Variants in OPRM1 observed in about 807,000 individuals in gnomAD.
OPRM1 encodes opioid receptor mu 1.
OPRM1 carries 27 observed loss-of-function variants against 31.8 expected under a neutral mutation model. The observed-to-expected ratio is 0.85, with a 90% CI of 0.63 to 1.17. The LOEUF is 1.17. Among genes scored for constraint, OPRM1 ranks in the 50% most tolerant of loss-of-function variants. OPRM1 has a pLI of 0.00. For synonymous variants in OPRM1, 196 were observed against 189.9 expected, an observed-to-expected ratio of 1.03 and a Z score of -0.26; for missense variants, 536 against 511.1, an observed-to-expected ratio of 1.05 and a Z score of -0.47.
At chr6:154,237,465 C>A (rs1331300379) in intron 3 of OPRM1, among the ~76,000 whole-genome samples, 1 of 152,206 alleles carries the variant, frequency 6.6e-6, no homozygotes, top group East Asian at 1.9e-4. Context: ...AAATTCCTAG[C>A]ACAATTCTCC....
rs1362235272 is a variant in OPRM1 at position 154,168,562 on chromosome 6, G to A, written c.1164+77090G>A. 6.6e-6 allele frequency among the ~76,000 whole-genome samples: 1 copy of A among 152,008 alleles called. No individual in the cohort carries two copies. Among genetic ancestry groups the A allele is most frequent in the Non-Finnish European group, 1.5e-5 (1 of 68,002 alleles). ...AAGGTCACATTCTGAGGTATTAGGGGTTAGGACGTCAACATACGAATTTTA... is the reference window on the plus strand; with the variant it reads ...AAGGTCACATTCTGAGGTATTAGGGATTAGGACGTCAACATACGAATTTTA... On this transcript the variant is annotated intron_variant, in intron 3 of 3. Transcript: ENST00000337049. The surrounding 1 kb of genome is among the most constrained non-coding windows in gnomAD (Gnocchi z 4.1).
chr6:154,041,415 TAA>T (rs1411888920), intron 1 of OPRM1, among the ~76,000 whole-genome samples: 2 of 152,192 alleles, frequency 1.3e-5, no homozygotes, highest in Non-Finnish European at 2.9e-5. Flanking sequence ...GTTATGACAA[TAA>T]AAGTTATAAT....
At chr6:154,018,570 A>C (rs1350732962) in intron 1 of OPRM1, among the ~76,000 whole-genome samples, 3 of 149,652 alleles carry the variant, frequency 2.0e-5, no homozygotes, top group Non-Finnish European at 3.0e-5. Flanking sequence ...AACCAATTAT[A>C]GTCCTAGTAA....
intron 1 of OPRM1, among the ~76,000 whole-genome samples, chr6:154,023,858 T>C (rs1778528915): frequency 6.6e-6 from 1 of 152,068 alleles, no homozygotes; most frequent in East Asian, 1.9e-4. Flanking sequence ...CATTGATTGA[T>C]TTGTGTATGC....
intron 3 of OPRM1, among the ~76,000 whole-genome samples, chr6:154,153,677 T>A (rs1387764756): frequency 1.4e-5 from 2 of 139,876 alleles, no homozygotes; most frequent in East Asian, 4.2e-4. Context: ...AGAGTGAAAC[T>A]CTATCTCAAA....
intron 3 of OPRM1, chr6:154,093,367 TC>T: frequency 6.2e-7 from 1 of 1,614,168 alleles, no homozygotes; most frequent in Non-Finnish European, 8.5e-7. Flanking sequence ...AGATATGACC[TC>T]CCAGCTATCC....
chr6:154,034,845 G>T (rs1779210555), upstream of OPRM1, among the ~76,000 whole-genome samples: 1 of 152,072 alleles, frequency 6.6e-6, no homozygotes, highest in African/African-American at 2.4e-5. Context: ...AGACATTTAG[G>T]CTTATGTATC....
intron 1 of OPRM1, among the ~76,000 whole-genome samples, chr6:154,080,132 G>A (rs567287473): frequency 4.6e-5 from 7 of 151,992 alleles, no homozygotes; most frequent in Admixed American, 1.3e-4. Flanking sequence ...GTTTAAGATT[G>A]TCACATTTGG....
At chr6:154,200,733 A>G (rs1225487048) in intron 3 of OPRM1, among the ~76,000 whole-genome samples, 1 of 152,192 alleles carries the variant, frequency 6.6e-6, no homozygotes, top group Non-Finnish European at 1.5e-5. Flanking sequence ...GAAAAGAAAA[A>G]GAGAGCAAAA....
At chr6:154,031,338 A>G (rs1778993658) in intron 1 of OPRM1, among the ~76,000 whole-genome samples, 1 of 152,024 alleles carries the variant, frequency 6.6e-6, no homozygotes, top group Non-Finnish European at 1.5e-5. Flanking sequence ...AGTCTACACT[A>G]CTCTCCTGGC....
At chr6:154,049,871 G>A (rs1231799461) in intron 1 of OPRM1, among the ~76,000 whole-genome samples, 1 of 152,160 alleles carries the variant, frequency 6.6e-6, no homozygotes, top group Non-Finnish European at 1.5e-5. Flanking sequence ...GGGTTACAAG[G>A]AGTGATTTTT....
intron 1 of OPRM1, among the ~76,000 whole-genome samples, chr6:154,086,236 T>C: frequency 6.6e-6 from 1 of 152,208 alleles, no homozygotes; most frequent in East Asian, 1.9e-4. Flanking sequence ...CTTTGTATAA[T>C]TTTCTTTCAC....
At chr6:154,163,807 T>A (rs575902666) in intron 3 of OPRM1, among the ~76,000 whole-genome samples, 2 of 152,300 alleles carry the variant, frequency 1.3e-5, no homozygotes, top group African/African-American at 4.8e-5. Context: ...TAGACATAGA[T>A]TCATAGATCA....
rs532590431 is a variant in OPRM1, at chr6:154,094,753, T to C, written c.1164+3281T>C. Among the ~76,000 whole-genome samples the C allele has an allele frequency of 2.6e-5, 4 of 152,334 alleles. No homozygotes were observed. The East Asian group carries it at 7.7e-4, about 29-fold the overall frequency. On this transcript the variant is annotated intron_variant, in intron 3 of 3. Coordinates refer to ENST00000330432, the MANE Select transcript of OPRM1 (RefSeq NM_000914.5). ...GCATACGGTCAACTCTGTGGTTTTA[T>C]AGGTCAAATAAAGTCATCCTGCCAA...
Position 154,121,675 on chromosome 6 carries a change from A to T in OPRM1, c.*2954A>T, listed in dbSNP as rs905343711. The stretch of plus-strand genomic sequence containing the variant: ...GATGCTAACAAATTCTGTTTCCCAC[A>T]TTGTCACAGCATGCCCTTTACATCT... On this transcript the variant is annotated 3_prime_UTR_variant, in exon 4 of 4. Coordinates refer to ENST00000330432, the MANE Select transcript of OPRM1 (RefSeq NM_000914.5). Among the ~76,000 whole-genome samples, 2 of 152,292 alleles carry T rather than the reference A, an allele frequency of 1.3e-5. No homozygotes were observed. Among genetic ancestry groups the T allele is most frequent in the Non-Finnish European group, 1.5e-5 (1 of 68,002 alleles).
rs187684807 is a variant in OPRM1, at chr6:154,168,766, C to A, written c.1164+77294C>A. On this transcript the variant is annotated intron_variant, in intron 3 of 3. Transcript: ENST00000337049. This position sits in a 1 kb window ranked among gnomAD's most constrained non-coding sequence, Gnocchi z 4.1. ...GATTACAGGCACCTGCCACCATGCC[C>A]GGCTCATTTTTATATTTTTAGTACA... 6.6e-6 allele frequency among the ~76,000 whole-genome samples: 1 copy of A among 151,828 alleles called. No individual in the cohort carries two copies. The highest frequency in any genetic ancestry group is 1.5e-5 in the Non-Finnish European group (1 of 67,972).
At chr6:154,016,536 AAG>A (rs1381222824) in intron 1 of OPRM1, among the ~76,000 whole-genome samples, 1 of 152,166 alleles carries the variant, frequency 6.6e-6, no homozygotes, top group African/African-American at 2.4e-5. Flanking sequence ...GCAGTGAGTA[AAG>A]AGTAGCTAAA....
chr6:154,152,318 A>AGGAAG (rs139436131), intron 3 of OPRM1, among the ~76,000 whole-genome samples: 3 of 52,852 alleles, frequency 5.7e-5, no homozygotes, highest in Admixed American at 1.8e-4. Flanking sequence ...AAAGAAAGAA[A>AGGAAG]GAAAGAAAGA....
In OPRM1 at chr6:154,246,619, G is replaced by A. The variant is rs574240330; in HGVS notation, c.1165-74G>A. On this transcript the variant is annotated intron_variant, in intron 3 of 3. Transcript: ENST00000337049. ...TTGATTGCTATACCAGTACAGTGAC[G>A]ACCCCTTCAGTATCACCCAGAACTT... is the stretch of plus-strand genomic sequence containing the variant. The A allele has an allele frequency of 3.1e-6, 5 of 1,613,692 alleles. No homozygotes were observed. The South Asian group carries it at 3.3e-5, about 11-fold the overall frequency.
Sources: gnomAD v4.1 joint callset for allele counts (sites outside exome capture counted in the v4.1 genomes callset) on GRCh38, gnomAD v4.1.1 for gene constraint, Gnocchi (gnomAD v3.1) non-coding constraint, MANE v1.5 for transcripts, NCBI Gene and HGNC (gene_info 2026-07-23, HGNC 2026-07-21) for gene names.